HDAC8: variants seen among roughly 807,000 people sequenced by gnomAD.
The protein encoded by HDAC8 is histone deacetylase-like 1.
In HDAC8, 1 loss-of-function variant was observed where a neutral mutation model predicts 32.2. That is an observed-to-expected ratio of 0.03 (90% confidence interval 0.01 to 0.15). The LOEUF (loss-of-function observed/expected upper bound fraction) is 0.15. Ranked by LOEUF, HDAC8 falls within the 10% of genes least tolerant of loss-of-function variation. The pLI is 1.00. For synonymous variants in HDAC8, 108 were observed against 113.9 expected, an observed-to-expected ratio of 0.95 and a Z score of 0.33; for missense variants, 117 against 300.0, an observed-to-expected ratio of 0.39 and a Z score of 4.51.
At chrX:72,374,031 T>C (rs1405700272) in intron 9 of HDAC8, among the ~76,000 whole-genome samples, 4 of 111,611 alleles carry the variant, frequency 3.6e-5, no homozygotes, top group African/African-American at 1.3e-4. Flanking sequence ...TTTGCCCATA[T>C]TAAAACTGGG....
chrX:72,425,645 T>G (rs782512291), intron 9 of HDAC8, among the ~76,000 whole-genome samples: 56 of 112,156 alleles, frequency 5.0e-4, no homozygotes, highest in Non-Finnish European at 9.2e-4. Flanking sequence ...TACTTCCTAA[T>G]AAGTGTCAGA....
At chrX:72,353,746 C>G (rs887256891) in intron 9 of HDAC8, among the ~76,000 whole-genome samples, 3 of 111,770 alleles carry the variant, frequency 2.7e-5, no homozygotes, top group African/African-American at 9.8e-5. Flanking sequence ...TATGGAAAGA[C>G]AGGCTTAGAT....
At chrX:72,513,225 C>T (rs2049652343) in intron 4 of HDAC8, among the ~76,000 whole-genome samples, 1 of 112,372 alleles carries the variant, frequency 8.9e-6, no homozygotes, top group Admixed American at 9.4e-5. Context: ...CTTGTCTTCT[C>T]CACTAGACTA....
intron 9 of HDAC8, among the ~76,000 whole-genome samples, chrX:72,400,027 T>G: frequency 9.0e-6 from 1 of 111,662 alleles, no homozygotes. Context: ...ATGACACAGT[T>G]GGCCACTCCC....
intron 7 of HDAC8, chrX:72,467,871 G>C: frequency 1.1e-6 from 1 of 911,168 alleles, no homozygotes; most frequent in Non-Finnish European, 1.5e-6. Flanking sequence ...CACAAGAAAA[G>C]CATATACATA....
At chrX:72,544,460 G>A (rs782813260) in intron 4 of HDAC8, among the ~76,000 whole-genome samples, 4 of 111,726 alleles carry the variant, frequency 3.6e-5, no homozygotes, top group African/African-American at 1.3e-4. Context: ...GAATATTGGG[G>A]TAGTGAAAAT....
At chrX:72,467,921 G>C in intron 7 of HDAC8, 4 of 1,156,437 alleles carry the variant, frequency 3.5e-6, no homozygotes, top group Non-Finnish European at 4.6e-6. Flanking sequence ...GAGAGGAAAG[G>C]ATAAAGGCAG....
chrX:72,532,777 C>T (rs2050393802), intron 4 of HDAC8, among the ~76,000 whole-genome samples: 1 of 110,599 alleles, frequency 9.0e-6, no homozygotes, highest in African/African-American at 3.3e-5. Flanking sequence ...GATAAAAGAC[C>T]CTTCTTAGAT....
chrX:72,382,112 TA>T (rs782158607), intron 9 of HDAC8, among the ~76,000 whole-genome samples: 138 of 112,619 alleles, frequency 1.2e-3, no homozygotes, highest in African/African-American at 4.2e-3. Flanking sequence ...CAGCCTACAA[TA>T]AACTGTCTAA....
intron 4 of HDAC8, among the ~76,000 whole-genome samples, chrX:72,537,119 G>A (rs1156917145): frequency 8.9e-6 from 1 of 111,936 alleles, no homozygotes; most frequent in Non-Finnish European, 1.9e-5. Flanking sequence ...GTTTGTACAA[G>A]GACTAAAATC....
At chrX:72,428,252 C>T in intron 9 of HDAC8, among the ~76,000 whole-genome samples, 2 of 112,147 alleles carry the variant, frequency 1.8e-5, no homozygotes, top group Non-Finnish European at 3.8e-5. Flanking sequence ...CGCCACCACA[C>T]CTGGCTAATT....
At chrX:72,359,604 G>T (rs1159005487) in intron 9 of HDAC8, among the ~76,000 whole-genome samples, 1 of 111,369 alleles carries the variant, frequency 9.0e-6, no homozygotes, top group Non-Finnish European at 1.9e-5. Flanking sequence ...CAGGCAATGA[G>T]GCAGGGTCAG....
At chrX:72,568,072 G>GA (rs1454110601) in intron 3 of HDAC8, 42 bp from the exon 4 acceptor site, 2 of 1,142,010 alleles carry the variant, frequency 1.8e-6, no homozygotes, top group Non-Finnish European at 2.4e-6. Context: ...AGGTGAACTG[G>GA]AAAAAGAGGA....
At chrX:72,534,234 A>T (rs1230361446) in intron 4 of HDAC8, among the ~76,000 whole-genome samples, 1 of 108,459 alleles carries the variant, frequency 9.2e-6, no homozygotes, top group Non-Finnish European at 1.9e-5. Flanking sequence ...TTAACAATCC[A>T]AAAATGAAAG....
chrX:72,444,047 G>A (rs1173735024), intron 9 of HDAC8, among the ~76,000 whole-genome samples: 6 of 109,789 alleles, frequency 5.5e-5, no homozygotes, highest in African/African-American at 1.7e-4. Flanking sequence ...ATAATCAATA[G>A]CTTACCAACC....
intron 9 of HDAC8, among the ~76,000 whole-genome samples, chrX:72,389,003 A>G (rs1555962823): frequency 8.9e-6 from 1 of 112,271 alleles, no homozygotes; most frequent in African/African-American, 3.2e-5. Flanking sequence ...GAGCTGACTA[A>G]TACAATTAGT....
At chrX:72,409,823 C>T (rs187735812) in intron 9 of HDAC8, among the ~76,000 whole-genome samples, 1 of 112,508 alleles carries the variant, frequency 8.9e-6, no homozygotes, top group East Asian at 2.8e-4. Flanking sequence ...ACAGGTCTGT[C>T]TCCTCCATCA....
intron 7 of HDAC8, chrX:72,474,492 T>C: frequency 9.4e-7 from 1 of 1,067,392 alleles, no homozygotes; most frequent in Non-Finnish European, 1.2e-6. Flanking sequence ...ATTTTTCGTT[T>C]TGTGAAAGTA....
In HDAC8 at chrX:72,489,014, A is replaced by G; in HGVS notation, c.656T>C (p.Leu219Pro). The stretch of plus-strand genomic sequence containing the variant: ...TACACTGTAGTACCGTCCCTTCCCT[A>G]GGCCAACATCAGACACGTCACCTGT... ...PGTGDVSDVGLGKGRYYSVNV... is the reference protein window; with the variant it reads ...PGTGDVSDVGPGKGRYYSVNV... The change falls in exon 7 of 11, where the codon CTA (leucine) becomes CCA (proline). Residue 219 changes from leucine to proline, a missense_variant. Physicochemically the swap from Leu to Pro is moderately conservative, Grantham distance 98. Coordinates refer to ENST00000373573, the MANE Select transcript of HDAC8 (RefSeq NM_018486.3). 8.4e-7 allele frequency: 1 copy of G among 1,196,334 alleles called. No individual in the cohort carries two copies. The highest frequency in any genetic ancestry group is 3.0e-5 in the East Asian group (1 of 33,627).
Sources: gnomAD v4.1 joint callset for allele counts (sites outside exome capture counted in the v4.1 genomes callset) on GRCh38, gnomAD v4.1.1 for gene constraint, MANE v1.5 for transcripts, NCBI Gene and HGNC (gene_info 2026-07-23, HGNC 2026-07-21) for gene names.